Variants in AGBL1 observed in about 807,000 individuals in gnomAD.
AGBL1 encodes AGBL carboxypeptidase 1, also known as cytosolic carboxypeptidase 4.
In AGBL1, 130 loss-of-function variants were observed where a neutral mutation model predicts 118.9. The observed-to-expected ratio is 1.09, with a 90% CI of 0.95 to 1.26. The LOEUF is 1.26. AGBL1 is among the 50% of genes most tolerant of loss of function. AGBL1 has a pLI of 0.00. For synonymous variants in AGBL1, 555 were observed against 478.9 expected (o/e 1.16, Z -2.08); for missense variants, 1,584 against 1,298.1 (o/e 1.22, Z -3.38).
chr15:86,604,757 T>C (rs1481985284), intron 21 of AGBL1, among the ~76,000 whole-genome samples: 1 of 151,718 alleles, frequency 6.6e-6, no homozygotes, highest in African/African-American at 2.4e-5. Flanking sequence ...ATGATTGCTA[T>C]TTTCACATTT....
intron 5 of AGBL1, among the ~76,000 whole-genome samples, chr15:86,208,813 A>G (rs906123695): frequency 6.6e-6 from 1 of 152,038 alleles, no homozygotes; most frequent in Non-Finnish European, 1.5e-5. Flanking sequence ...TTGTGTCTCT[A>G]TCTCCTTCGG....
chr15:86,266,402 C>T lies in AGBL1; in HGVS notation c.1696C>T (p.Leu566Phe), dbSNP rs1161049546. ...RIRIFEDIRR[L>F]IQPSDVINKV... ...CAGGATATTTGAGGATATTCGGAGG[C>T]TCATCCAGCCAAGTGATGTTATAAA... The change falls in exon 12 of 23, where the codon CTC (leucine) becomes TTC (phenylalanine). Residue 566 changes from leucine (L) to phenylalanine (F), a missense_variant. Leu to Phe is a conservative substitution (Grantham distance 22, BLOSUM62 0). Transcript: ENST00000614907. 5.1e-6 allele frequency: 8 copies of T among 1,580,910 alleles called. No individual in the cohort carries two copies. In the East Asian group the frequency reaches 1.6e-4, roughly 31 times the overall value.
chr15:87,012,988 G>A (rs914014393), intron 24 of AGBL1, among the ~76,000 whole-genome samples: 11 of 152,036 alleles, frequency 7.2e-5, no homozygotes, highest in African/African-American at 2.7e-4. Flanking sequence ...CCTGGATGCG[G>A]TTGCAACAAT....
At chr15:86,461,377 G>A (rs1262040681) in intron 18 of AGBL1, among the ~76,000 whole-genome samples, 1 of 152,160 alleles carries the variant, frequency 6.6e-6, no homozygotes, top group South Asian at 2.1e-4. Context: ...TTTTCAAGGA[G>A]AGAAAAATCT....
rs546644272 is a variant in AGBL1 at position 86,592,289 on chromosome 15, GCCT to G, written c.2994+37757_2994+37759del. Among the ~76,000 whole-genome samples, 81 of 152,270 alleles carry G rather than the reference GCCT, an allele frequency of 5.3e-4. 1 individual carries two copies. The South Asian group carries it at 0.016, about 30-fold the overall frequency. ...CGGGTCTGCAGCAAACTCGATTCTT[GCCT>G]CCTCAGAAAAAAACGAATTCAGCCA... On this transcript the variant is annotated intron_variant, in intron 21 of 22. Coordinates refer to ENST00000614907, the MANE Select transcript of AGBL1 (RefSeq NM_001386094.1).
chr15:86,710,257 G>A (rs1343141616), intron 22 of AGBL1, among the ~76,000 whole-genome samples: 1 of 152,120 alleles, frequency 6.6e-6, no homozygotes, highest in Non-Finnish European at 1.5e-5. Flanking sequence ...ACCAAGTATC[G>A]ATGGATTGCA....
Position 86,411,666 on chromosome 15 carries a change from C to G in AGBL1, c.2555+14120C>G, listed in dbSNP as rs146786308. Among the ~76,000 whole-genome samples the G allele has an allele frequency of 2.0e-5, 3 of 152,292 alleles. No individual in the cohort carries two copies. The East Asian group carries it at 5.8e-4, about 29-fold the overall frequency. ...TTTCTTCTCTATTTACAGCTTCTTT[C>G]TGCCCCCTACCCTTCCCTCTGGTCC... On this transcript the variant is annotated intron_variant, in intron 18 of 22. Coordinates refer to ENST00000614907, the MANE Select transcript of AGBL1 (RefSeq NM_001386094.1).
At chr15:86,082,608 T>C (rs1048728427) in intron 1 of AGBL1, among the ~76,000 whole-genome samples, 1 of 152,202 alleles carries the variant, frequency 6.6e-6, no homozygotes, top group Non-Finnish European at 1.5e-5. Context: ...TCTGACTCTT[T>C]AGGGGCATAA....
intron 7 of AGBL1, 123 bp from the exon 8 acceptor site, chr15:86,256,730 C>A: frequency 1.1e-6 from 1 of 929,608 alleles, no homozygotes; most frequent in Non-Finnish European, 1.6e-6. Flanking sequence ...GCGTATAATT[C>A]ATTAGCTGAA....
intron 5 of AGBL1, among the ~76,000 whole-genome samples, chr15:86,167,173 G>C (rs1395634219): frequency 6.6e-6 from 1 of 152,048 alleles, no homozygotes; most frequent in Non-Finnish European, 1.5e-5. Flanking sequence ...GGGAGGTATG[G>C]AAAGACTCTT....
At chr15:86,854,153 G>A (rs910229886) in intron 22 of AGBL1, among the ~76,000 whole-genome samples, 5 of 152,116 alleles carry the variant, frequency 3.3e-5, no homozygotes, top group Non-Finnish European at 7.4e-5. Context: ...CATTCACGGT[G>A]TCTCACTTAC....
intron 22 of AGBL1, among the ~76,000 whole-genome samples, chr15:86,816,841 G>C (rs150971022): frequency 0.012 from 1,800 of 152,180 alleles, 25 homozygotes; most frequent in Middle Eastern, 0.061. Context: ...TATAAATGCA[G>C]TTTTTTATCT....
intron 18 of AGBL1, among the ~76,000 whole-genome samples, chr15:86,429,588 A>G (rs190340123): frequency 6.6e-6 from 1 of 152,298 alleles, no homozygotes; most frequent in Non-Finnish European, 1.5e-5. Context: ...ACTTCAATTC[A>G]TCTCTGAGGA....
rs114975057 is a variant in AGBL1 at position 86,165,120 on chromosome 15, A to G, written c.488+6094A>G. ...ACACCTTGGCAACGGGAGGAGATGGATATGTTTGGTCTTCAAGCAAGCTTC... is the reference window on the plus strand; with the variant it reads ...ACACCTTGGCAACGGGAGGAGATGGGTATGTTTGGTCTTCAAGCAAGCTTC... On this transcript the variant is annotated intron_variant, in intron 5 of 22. Transcript: ENST00000614907. Among the ~76,000 whole-genome samples, 989 of 152,188 alleles carry G rather than the reference A, an allele frequency of 6.5e-3. 15 individuals are homozygous for G. The highest frequency in any genetic ancestry group is 0.023 in the African/African-American group (950 of 41,516).
At chr15:86,860,089 C>G (rs2079540329) in intron 22 of AGBL1, among the ~76,000 whole-genome samples, 1 of 152,122 alleles carries the variant, frequency 6.6e-6, no homozygotes, top group Non-Finnish European at 1.5e-5. Context: ...GGCGGAATAT[C>G]TCAAAGCCCT....
At chr15:86,858,326 G>A (rs926066980) in intron 22 of AGBL1, among the ~76,000 whole-genome samples, 2 of 152,178 alleles carry the variant, frequency 1.3e-5, no homozygotes, top group African/African-American at 4.8e-5. Context: ...GGGCCTTGTG[G>A]AACATCACTG....
At chr15:86,363,027 G>A (rs1314544863) in intron 17 of AGBL1, among the ~76,000 whole-genome samples, 1 of 152,200 alleles carries the variant, frequency 6.6e-6, no homozygotes, top group Non-Finnish European at 1.5e-5. Context: ...TGGTGGCCAA[G>A]TGAGGCTGGA....
rs544896329 is a variant in AGBL1, at chr15:86,304,811, A to T, written c.2374+9403A>T. On this transcript the variant is annotated intron_variant, in intron 17 of 22. Coordinates refer to ENST00000614907, the MANE Select transcript of AGBL1 (RefSeq NM_001386094.1). ...GTTGTTTGTTTTCCTTGCAGTCTCG[A>T]AAAGGACTTTTGCCATTGCTATGTT... 5 of 152,382 alleles carry T rather than the reference A, an allele frequency of 3.3e-5. No individual in the cohort carries two copies. In the East Asian group the frequency reaches 9.6e-4, roughly 29 times the overall value. 9.4% of individuals were successfully genotyped at this position (152,382 alleles called of 1,614,324 possible).
At chr15:86,800,755 A>G (rs867571446) in intron 22 of AGBL1, among the ~76,000 whole-genome samples, 1 of 152,136 alleles carries the variant, frequency 6.6e-6, no homozygotes, top group Admixed American at 6.6e-5. Context: ...CCTGTTTGAA[A>G]ATATTTGCTT....
Sources: allele counts gnomAD v4.1 joint callset (sites outside exome capture counted in the v4.1 genomes callset), GRCh38; gene constraint gnomAD v4.1.1; transcripts MANE v1.5; gene names NCBI Gene and HGNC (gene_info 2026-07-23, HGNC 2026-07-21).